Variants in SDAD1 observed in about 807,000 individuals in gnomAD.
SDAD1 encodes the protein SDA1 domain containing 1.
SDAD1 carries 79 observed loss-of-function variants against 100.3 expected under a neutral mutation model. That is an observed-to-expected ratio of 0.79 (90% CI 0.66 to 0.95). The LOEUF (loss-of-function observed/expected upper bound fraction) is 0.95, where lower values mean the gene tolerates loss of function less well. Among genes scored for constraint, SDAD1 ranks in the 40% least tolerant of loss-of-function variants. SDAD1 has a pLI of 0.00. For missense variants in SDAD1, 790 were observed against 810.9 expected (o/e 0.97, Z 0.31); for synonymous variants, 267 against 271.4 (o/e 0.98, Z 0.16).
chr4:75,987,338 T>C (rs1730961691), intron 1 of SDAD1, among the ~76,000 whole-genome samples: 1 of 152,174 alleles, frequency 6.6e-6, no homozygotes, highest in Non-Finnish European at 1.5e-5. Context: ...TCCATCCATA[T>C]AGATGCACCT....
At chr4:75,974,699 A>C (rs1227626138) in intron 6 of SDAD1, among the ~76,000 whole-genome samples, 1 of 143,568 alleles carries the variant, frequency 7.0e-6, no homozygotes, top group Non-Finnish European at 1.5e-5. Flanking sequence ...ACAGAGCAAG[A>C]CTTTGTCTCA....
At chr4:75,970,144 C>A (rs781416574) in intron 10 of SDAD1, among the ~76,000 whole-genome samples, 165 bp downstream of exon 10, 31 of 152,130 alleles carry the variant, frequency 2.0e-4, no homozygotes, top group Non-Finnish European at 3.8e-4. Flanking sequence ...GGAATCACTG[C>A]TTTAGATGAC....
chr4:75,957,486 AC>A, intron 19 of SDAD1, 31 bp downstream of exon 19: 1 of 1,611,868 alleles, frequency 6.2e-7, no homozygotes, highest in Non-Finnish European at 8.5e-7. Context: ...ACATGAGCTG[AC>A]TGAAGTACTA....
intron 13 of SDAD1, 88 bp from the exon 14 acceptor site, chr4:75,964,299 A>G (rs1283475355): frequency 3.3e-6 from 3 of 912,742 alleles, no homozygotes; most frequent in African/African-American, 3.5e-5. Context: ...GATTATTCAT[A>G]GTGGAAAACC....
chr4:75,974,606 G>A (rs2149323083), intron 6 of SDAD1, among the ~76,000 whole-genome samples: 1 of 152,204 alleles, frequency 6.6e-6, no homozygotes, highest in South Asian at 2.1e-4. Flanking sequence ...CTACTTGGGA[G>A]GCTGAGGCAC....
At chr4:75,984,470 C>T (rs1404699882) in intron 1 of SDAD1, among the ~76,000 whole-genome samples, 1 of 152,100 alleles carries the variant, frequency 6.6e-6, no homozygotes, top group Non-Finnish European at 1.5e-5. Context: ...CCTGGCTCCC[C>T]TCTTTTTTTA....
At position 75,969,281 on chromosome 4, in the gene SDAD1, T is replaced by A; in HGVS notation, c.987+15A>T. Reference sequence around the variant, plus strand: ...CTTCAAATATTCACCAAGAGAAACATAATATAATTCAAACCTCATGAATTC... The same window carrying A: ...CTTCAAATATTCACCAAGAGAAACAAAATATAATTCAAACCTCATGAATTC... On this transcript the variant is annotated intron_variant, in intron 11 of 21. Coordinates refer to ENST00000356260, the MANE Select transcript of SDAD1 (RefSeq NM_018115.4). The A allele has an allele frequency of 1.3e-6, 2 of 1,585,746 alleles. No homozygotes were observed. Among genetic ancestry groups the A allele is most frequent in the Non-Finnish European group, 1.7e-6 (2 of 1,156,130 alleles).
chr4:75,974,402 C>CAAAAA (rs36025367), intron 6 of SDAD1, among the ~76,000 whole-genome samples: 2 of 110,884 alleles, frequency 1.8e-5, no homozygotes. Context: ...TAGTCAAGTG[C>CAAAAA]AAAAAAAAAA....
Position 75,978,720 on chromosome 4 carries a change from A to C in SDAD1, c.295-964T>G, listed in dbSNP as rs371200937. 4.6e-5 allele frequency among the ~76,000 whole-genome samples: 7 copies of C among 152,226 alleles called. No individual in the cohort carries two copies. The South Asian group carries it at 1.5e-3, about 32-fold the overall frequency. On this transcript the variant is annotated intron_variant, in intron 3 of 21. Coordinates refer to ENST00000356260, the MANE Select transcript of SDAD1 (RefSeq NM_018115.4). ...GCTGGGCATGGTGGCCCACACCCAT[A>C]ATCTCAGCACTTTGGGAGGCTGAGG...
chr4:75,964,529 ACTT>A (rs1729428261), intron 13 of SDAD1, among the ~76,000 whole-genome samples: 1 of 147,966 alleles, frequency 6.8e-6, no homozygotes, highest in Non-Finnish European at 1.5e-5. Context: ...TCTGAAAGAA[ACTT>A]CTTTTTATGA....
chr4:75,979,745 G>A (rs945691496), intron 3 of SDAD1, among the ~76,000 whole-genome samples: 4 of 151,898 alleles, frequency 2.6e-5, no homozygotes, highest in African/African-American at 4.8e-5. Flanking sequence ...GTGAGCCACC[G>A]CGCCTGGCGG....
intron 14 of SDAD1, among the ~76,000 whole-genome samples, chr4:75,962,568 C>G (rs1379302702): frequency 1.3e-5 from 2 of 152,158 alleles, no homozygotes; most frequent in African/African-American, 4.8e-5. Flanking sequence ...CTATCGTTTC[C>G]TGACTTTTTA....
In SDAD1 at chr4:75,950,134, C is replaced by CGGG. The variant is rs35619548; in HGVS notation, c.*613_*615dup. 1 of 60,172 alleles carries CGGG rather than the reference C, an allele frequency of 1.7e-5. No individual in the cohort carries two copies. Among genetic ancestry groups the CGGG allele is most frequent in the Non-Finnish European group, 3.4e-5 (1 of 29,118 alleles). The allele number at this position is 60,172 out of a possible 1,614,324, so 3.7% of individuals were successfully genotyped here. On this transcript the variant is annotated 3_prime_UTR_variant, in exon 22 of 22. Transcript: ENST00000356260. Reference sequence around the variant, plus strand: ...AACAAAAACAAAAACAAAAAAAACACGGGGGGGGGGGGGTCACTTAAATCT... The same window carrying CGGG: ...AACAAAAACAAAAACAAAAAAAACACGGGGGGGGGGGGGGGGTCACTTAAATCT...
chr4:75,978,729 A>G (rs1730298052), intron 3 of SDAD1, among the ~76,000 whole-genome samples: 2 of 151,988 alleles, frequency 1.3e-5, no homozygotes, highest in Admixed American at 6.6e-5. Context: ...TAATCTCAGC[A>G]CTTTGGGAGG....
At chr4:75,969,786 A>C (rs1229957384) in intron 10 of SDAD1, among the ~76,000 whole-genome samples, 1 of 152,144 alleles carries the variant, frequency 6.6e-6, no homozygotes, top group African/African-American at 2.4e-5. Context: ...AGGGGTCAGC[A>C]AATCTTGCCA....
intron 21 of SDAD1, 106 bp downstream of exon 21, chr4:75,955,869 C>G: frequency 2.3e-6 from 3 of 1,285,916 alleles, no homozygotes; most frequent in Non-Finnish European, 3.2e-6. Flanking sequence ...TCCCAAGACA[C>G]ACACAATAAT....
At chr4:75,986,483 CCACCTAT>C (rs531670513) in intron 1 of SDAD1, among the ~76,000 whole-genome samples, 133 of 152,298 alleles carry the variant, frequency 8.7e-4, no homozygotes, top group African/African-American at 3.1e-3. Context: ...TTCCATTTAA[CCACCTAT>C]CTTCTCCTGT....
chr4:75,981,785 A>C, intron 2 of SDAD1, 148 bp downstream of exon 2: 1 of 711,502 alleles, frequency 1.4e-6, no homozygotes, highest in Non-Finnish European at 2.3e-6. Flanking sequence ...CATGATAGGG[A>C]GAAAATAAAA....
chr4:75,980,282 G>C (rs1455295889), intron 3 of SDAD1, among the ~76,000 whole-genome samples: 1 of 152,106 alleles, frequency 6.6e-6, no homozygotes, highest in Non-Finnish European at 1.5e-5. Flanking sequence ...GTCTGAGACA[G>C]TATTCTTTTT....
Sources: gnomAD v4.1 joint callset for allele counts (sites outside exome capture counted in the v4.1 genomes callset) on GRCh38, gnomAD v4.1.1 for gene constraint, MANE v1.5 for transcripts, NCBI Gene and HGNC (gene_info 2026-07-23, HGNC 2026-07-21) for gene names.